LRRC4C: variants seen among roughly 807,000 people sequenced by gnomAD.
The protein encoded by LRRC4C is leucine-rich repeat-containing protein 4C.
In LRRC4C, 5 loss-of-function variants were observed where a neutral mutation model predicts 33.6. The observed-to-expected ratio is 0.15, with a 90% CI of 0.08 to 0.31. LRRC4C has a LOEUF of 0.31. LRRC4C is among the 10% of genes least tolerant of loss of function. The pLI, the probability that LRRC4C is intolerant of heterozygous loss-of-function variation, is 1.00. For synonymous variants in LRRC4C, 329 were observed against 302.0 expected, an observed-to-expected ratio of 1.09 and a Z score of -0.93; for missense variants, 560 against 796.7, an observed-to-expected ratio of 0.70 and a Z score of 3.58.
chr11:40,657,542 T>G (rs1943192637), intron 2 of LRRC4C, among the ~76,000 whole-genome samples: 1 of 152,184 alleles, frequency 6.6e-6, no homozygotes, highest in Non-Finnish European at 1.5e-5. Flanking sequence ...AGTTGTCTCC[T>G]TTGGAAAGAC....
At chr11:40,385,019 G>A (rs1949048525) in intron 3 of LRRC4C, among the ~76,000 whole-genome samples, 1 of 151,468 alleles carries the variant, frequency 6.6e-6, no homozygotes, top group African/African-American at 2.4e-5. Flanking sequence ...TCCAAAAATT[G>A]GCATAACAAT....
At chr11:40,889,007 T>C (rs898451993) in intron 2 of LRRC4C, among the ~76,000 whole-genome samples, 9 of 152,022 alleles carry the variant, frequency 5.9e-5, no homozygotes, top group Non-Finnish European at 8.8e-5. Context: ...CCTTCCTTCC[T>C]GGAGGGCAAT....
intron 3 of LRRC4C, among the ~76,000 whole-genome samples, chr11:40,492,108 G>A (rs1300975048): frequency 6.6e-6 from 1 of 152,182 alleles, no homozygotes; most frequent in Non-Finnish European, 1.5e-5. Context: ...AAAATAAGAG[G>A]TTAGTAAGCA....
chr11:41,303,480 C>T (rs1950348961), intron 1 of LRRC4C, among the ~76,000 whole-genome samples: 2 of 132,022 alleles, frequency 1.5e-5, no homozygotes, highest in South Asian at 2.6e-4. Context: ...CCCAAAGTGC[C>T]GAGATTGCAG....
At chr11:40,665,910 G>GTTAT (rs545420051) in intron 2 of LRRC4C, among the ~76,000 whole-genome samples, 3 of 151,892 alleles carry the variant, frequency 2.0e-5, no homozygotes, top group Non-Finnish European at 4.4e-5. Context: ...GGCAGAAAAT[G>GTTAT]TTATTTATGT....
chr11:40,165,294 T>C (rs906595924), intron 5 of LRRC4C, among the ~76,000 whole-genome samples: 1 of 152,168 alleles, frequency 6.6e-6, no homozygotes, highest in Non-Finnish European at 1.5e-5. Context: ...ATCTGAGAAT[T>C]TGTGTGTGTG....
At chr11:41,392,191 T>C (rs575586482) in intron 1 of LRRC4C, among the ~76,000 whole-genome samples, 1 of 152,050 alleles carries the variant, frequency 6.6e-6, no homozygotes, top group African/African-American at 2.4e-5. Context: ...TGATATTTCT[T>C]AGTAGAATGA....
At chr11:40,719,548 C>A (rs1946904212) in intron 2 of LRRC4C, among the ~76,000 whole-genome samples, 2 of 152,070 alleles carry the variant, frequency 1.3e-5, no homozygotes, top group South Asian at 2.1e-4. Flanking sequence ...CTGAATATTA[C>A]TGAGGAAAGC....
intron 1 of LRRC4C, among the ~76,000 whole-genome samples, chr11:41,053,887 A>T (rs867578992): frequency 6.6e-6 from 1 of 152,220 alleles, no homozygotes; most frequent in Non-Finnish European, 1.5e-5. Context: ...AAATGATTTT[A>T]GCATGATAAT....
chr11:40,760,662 G>A (rs1351376785), intron 2 of LRRC4C, among the ~76,000 whole-genome samples: 1 of 150,600 alleles, frequency 6.6e-6, no homozygotes, highest in Non-Finnish European at 1.5e-5. Flanking sequence ...CCAGGCTGAA[G>A]TGTAGTTGTG....
chr11:41,293,849 G>A (rs1047460259), intron 1 of LRRC4C, among the ~76,000 whole-genome samples: 1 of 151,982 alleles, frequency 6.6e-6, no homozygotes, highest in Admixed American at 6.6e-5. Flanking sequence ...CACCTGCCTC[G>A]GCCTCCCAAC....
intron 5 of LRRC4C, among the ~76,000 whole-genome samples, chr11:40,175,139 A>G (rs1361852305): frequency 6.6e-6 from 1 of 152,242 alleles, no homozygotes; most frequent in African/African-American, 2.4e-5. Context: ...TTGAGTACTA[A>G]CATCACGAAG....
At chr11:41,437,737 A>C (rs1955480121) in intron 1 of LRRC4C, among the ~76,000 whole-genome samples, 1 of 152,194 alleles carries the variant, frequency 6.6e-6, no homozygotes, top group Non-Finnish European at 1.5e-5. Context: ...ACCTGGGGGC[A>C]AAAGATAATT....
intron 1 of LRRC4C, among the ~76,000 whole-genome samples, chr11:41,058,769 A>T (rs993318172): frequency 3.9e-5 from 6 of 152,222 alleles, no homozygotes; most frequent in African/African-American, 1.4e-4. Flanking sequence ...TATGTTCATC[A>T]CATCACTATT....
intron 2 of LRRC4C, among the ~76,000 whole-genome samples, chr11:40,693,839 A>G (rs1461566578): frequency 3.3e-5 from 5 of 152,114 alleles, no homozygotes; most frequent in African/African-American, 4.8e-5. Context: ...GACATAGTCT[A>G]TTCTCCACCA....
intron 2 of LRRC4C, among the ~76,000 whole-genome samples, chr11:40,744,642 G>T (rs1948328703): frequency 6.6e-6 from 1 of 151,872 alleles, no homozygotes; most frequent in East Asian, 1.9e-4. Context: ...AATGTTTCTG[G>T]GATGAATGAA....
At chr11:40,492,019 G>A (rs1954185027) in intron 3 of LRRC4C, among the ~76,000 whole-genome samples, 1 of 152,118 alleles carries the variant, frequency 6.6e-6, no homozygotes, top group African/African-American at 2.4e-5. Context: ...CAGTTTATTA[G>A]AGACTATGAT....
At chr11:41,047,237 G>C (rs1002948788) in intron 1 of LRRC4C, among the ~76,000 whole-genome samples, 6 of 151,992 alleles carry the variant, frequency 3.9e-5, no homozygotes, top group Admixed American at 1.3e-4. Flanking sequence ...AGTTGAATAA[G>C]CATATAAAAA....
intron 1 of LRRC4C, among the ~76,000 whole-genome samples, chr11:41,244,225 A>G (rs1175866523): frequency 6.8e-6 from 1 of 146,862 alleles, no homozygotes. Flanking sequence ...GAGAGAGAAG[A>G]AGGAAGAAAA....
Sources: allele counts gnomAD v4.1 joint callset (sites outside exome capture counted in the v4.1 genomes callset), GRCh38; gene constraint gnomAD v4.1.1; transcripts MANE v1.5; gene names NCBI Gene and HGNC (gene_info 2026-07-23, HGNC 2026-07-21).